The following SORL1 variants were observed in gnomAD, a reference collection of about 807,000 sequenced individuals.
The protein encoded by SORL1 is sortilin related receptor 1.
Under a neutral mutation model 273.7 loss-of-function variants are expected in SORL1, and 127 were observed. The observed-to-expected ratio is 0.46, with a 90% CI of 0.40 to 0.54. SORL1 has a LOEUF of 0.54. Ranked by LOEUF, SORL1 falls within the 20% of genes least tolerant of loss-of-function variation. SORL1 has a pLI of 0.00. For synonymous variants in SORL1, 1,031 were observed against 1,067.4 expected, an observed-to-expected ratio of 0.97 and a Z score of 0.66; for missense variants, 2,494 against 2,846.1, an observed-to-expected ratio of 0.88 and a Z score of 2.81.
At chr11:121,486,413 C>T (rs1861472541) in intron 3 of SORL1, among the ~76,000 whole-genome samples, 1 of 152,000 alleles carries the variant, frequency 6.6e-6, no homozygotes, top group Admixed American at 6.6e-5. Context: ...CCGAGGCAGC[C>T]TGATGGCTTG....
chr11:121,625,925 G>A (rs1007158980), intron 46 of SORL1, among the ~76,000 whole-genome samples: 11 of 152,146 alleles, frequency 7.2e-5, no homozygotes, highest in Non-Finnish European at 1.5e-4. Context: ...GAACTAACCA[G>A]TGCTCAAGCC....
chr11:121,548,125 C>A lies in SORL1; in HGVS notation c.2052-1835C>A, dbSNP rs534536746. On this transcript the variant is annotated intron_variant, in intron 14 of 47. Coordinates refer to ENST00000260197, the MANE Select transcript of SORL1 (RefSeq NM_003105.6). ...GTACTTACATATGTACGTGTAGATA[C>A]ATACACACATATAATTAAAACACAA... Among the ~76,000 whole-genome samples, 3 of 152,222 alleles carry A rather than the reference C, an allele frequency of 2.0e-5. No homozygotes were observed. The East Asian group carries it at 5.8e-4, about 29-fold the overall frequency.
At chr11:121,492,879 C>T (rs769907854) in intron 5 of SORL1, among the ~76,000 whole-genome samples, 1 of 150,724 alleles carries the variant, frequency 6.6e-6, no homozygotes, top group African/African-American at 2.4e-5. Context: ...TCTTGGCTCA[C>T]TGCAACCTCC....
chr11:121,589,965 A>C, intron 29 of SORL1, 75 bp from the exon 30 acceptor site: 2 of 1,551,024 alleles, frequency 1.3e-6, no homozygotes, highest in Non-Finnish European at 1.8e-6. Flanking sequence ...GGTCTGGAGG[A>C]GGATGCCTAG....
rs1863862231 is a variant in SORL1, at chr11:121,630,632, T to G, written c.*1069T>G. ...AATTGGACAGTGCCTTCTCTTTTTT[T>G]TTCTCCTCTTCTTCCATCTCCCTCA... On this transcript the variant is annotated 3_prime_UTR_variant, in exon 48 of 48. Transcript: ENST00000260197. The G allele has an allele frequency of 6.6e-6, 1 of 152,340 alleles. No individual in the cohort carries two copies. Among genetic ancestry groups the G allele is most frequent in the East Asian group, 1.9e-4 (1 of 5,192 alleles). The allele number at this position is 152,340 out of a possible 1,614,324, so 9.4% of individuals were successfully genotyped here.
At chr11:121,532,580 C>T (rs1351519331) in intron 12 of SORL1, 28 bp downstream of exon 12, 2 of 1,578,866 alleles carry the variant, frequency 1.3e-6, no homozygotes, top group Non-Finnish European at 1.7e-6. Context: ...GGCCTTTTAA[C>T]ATCAAACTTT....
chr11:121,556,223 C>A (rs1862579926), intron 18 of SORL1, among the ~76,000 whole-genome samples: 1 of 152,194 alleles, frequency 6.6e-6, no homozygotes, highest in South Asian at 2.1e-4. Flanking sequence ...CACACACGTT[C>A]TTGTTCCAGT....
chr11:121,553,648 A>G (rs1862536692), intron 16 of SORL1, among the ~76,000 whole-genome samples: 1 of 152,256 alleles, frequency 6.6e-6, no homozygotes, highest in Non-Finnish European at 1.5e-5. Context: ...GCCCAGAAGT[A>G]TGGTTGTTGA....
chr11:121,586,385 A>G, intron 27 of SORL1, 56 bp downstream of exon 27: 7 of 1,287,280 alleles, frequency 5.4e-6, no homozygotes, highest in Non-Finnish European at 7.9e-6. Context: ...ATGAGTGAAG[A>G]GCGTATATTG....
chr11:121,543,846 G>A (rs1862384059), intron 13 of SORL1, 120 bp downstream of exon 13: 1 of 856,546 alleles, frequency 1.2e-6, no homozygotes, highest in Non-Finnish European at 1.8e-6. Flanking sequence ...GGGGAGATGG[G>A]CCCATAAGAG....
intron 11 of SORL1, among the ~76,000 whole-genome samples, chr11:121,526,746 T>C (rs1025449738): frequency 6.6e-6 from 1 of 152,150 alleles, no homozygotes; most frequent in South Asian, 2.1e-4. Context: ...ATTTTTGCTC[T>C]AGTATATAAA....
chr11:121,627,874 G>T lies in SORL1; in HGVS notation c.6577+107G>T, dbSNP rs1039990345. The T allele has an allele frequency of 4.2e-6, 3 of 722,348 alleles. No homozygotes were observed. The highest frequency in any genetic ancestry group is 3.5e-5 in the African/African-American group (2 of 56,482). 44.7% of individuals were successfully genotyped at this position (722,348 alleles called of 1,614,324 possible). On this transcript the variant is annotated intron_variant, in intron 47 of 47. Transcript: ENST00000260197. The surrounding 1 kb of genome is among the most constrained non-coding windows in gnomAD (Gnocchi z 4.9). The stretch of plus-strand genomic sequence containing the variant: ...TTCAGCTCCTCTTTTGACCCTGGAG[G>T]AGCTCTTCATCAGCCAGCGATTTGA...
intron 45 of SORL1, 148 bp from the exon 46 acceptor site, chr11:121,624,937 G>C: frequency 1.9e-6 from 1 of 539,044 alleles, no homozygotes; most frequent in Non-Finnish European, 3.3e-6. Flanking sequence ...TATCTCAGTG[G>C]TAATGTAAAA....
chr11:121,627,903 C>T lies in SORL1; in HGVS notation c.6577+136C>T, dbSNP rs1443015014. The T allele has an allele frequency of 7.9e-6, 5 of 630,742 alleles. No homozygotes were observed. The highest frequency in any genetic ancestry group is 1.4e-5 in the Non-Finnish European group (5 of 363,796). The allele number at this position is 630,742 out of a possible 1,614,324, so 39.1% of individuals were successfully genotyped here. On this transcript the variant is annotated intron_variant, in intron 47 of 47. Transcript: ENST00000260197. This position sits in a 1 kb window ranked among gnomAD's most constrained non-coding sequence, Gnocchi z 4.9. ...TCTTCATCAGCCAGCGATTTGATTC[C>T]ATGAGTTTTGGTTAAACCATTCAGA...
In SORL1 at chr11:121,520,841, A is replaced by G. The variant is rs755894739; in HGVS notation, c.1396A>G (p.Asn466Asp). The G allele has an allele frequency of 3.8e-6, 6 of 1,593,186 alleles. No homozygotes were observed. Among genetic ancestry groups the G allele is most frequent in the South Asian group, 2.3e-5 (2 of 86,884 alleles). ...CTTCACGGGATATGGAGAGAAAATCAATTGTGAGGTATTGATGCTTTAATC... is the reference window on the plus strand; with the variant it reads ...CTTCACGGGATATGGAGAGAAAATCGATTGTGAGGTATTGATGCTTTAATC... The part of the protein sequence containing the change: ...PAFTGYGEKI[N>D]CELSQGCSLH... The change falls in exon 9 of 48, where the codon AAT becomes GAT. Residue 466 changes from asparagine (N) to aspartate (D), a missense_variant. Physicochemically the swap from Asn to Asp is conservative, Grantham distance 23 (BLOSUM62 1). This residue lies in a region of SORL1 where 710 missense variants were observed against 882.5 expected (regional missense o/e 0.80). Transcript: ENST00000260197.
Position 121,550,249 on chromosome 11 carries a change from A to G in SORL1, c.2180+161A>G, listed in dbSNP as rs1439642333. On this transcript the variant is annotated intron_variant, in intron 15 of 47. Transcript: ENST00000260197. The surrounding 1 kb of genome is among the most constrained non-coding windows in gnomAD (Gnocchi z 5.3). ...AACATTATAAATTATGGTATTTGTA[A>G]ACTCTCCTACCTCCACATTGCAAGT... Among the ~76,000 whole-genome samples, 1 of 152,168 alleles carries G rather than the reference A, an allele frequency of 6.6e-6. No homozygotes were observed. Among genetic ancestry groups the G allele is most frequent in the African/African-American group, 2.4e-5 (1 of 41,424 alleles).
At chr11:121,512,391 G>A (rs1861893128) in intron 6 of SORL1, among the ~76,000 whole-genome samples, 1 of 152,156 alleles carries the variant, frequency 6.6e-6, no homozygotes, top group Non-Finnish European at 1.5e-5. Flanking sequence ...AAAATGCAAT[G>A]TGATGTGGTC....
Position 121,520,595 on chromosome 11 carries a change from G to A in SORL1, c.1212-62G>A, listed in dbSNP as rs1047178844. 1.0e-5 allele frequency: 12 copies of A among 1,196,708 alleles called. 1 individual carries two copies. In the South Asian group the frequency reaches 2.0e-4, roughly 20 times the overall value. 74.1% of individuals were successfully genotyped at this position (1,196,708 alleles called of 1,614,324 possible). On this transcript the variant is annotated intron_variant, in intron 8 of 47. Transcript: ENST00000260197. ...ATACTTTTAAATGGTCAAATTTTATGTTATTTACAATAACAAGCAAATACC... is the reference window on the plus strand; with the variant it reads ...ATACTTTTAAATGGTCAAATTTTATATTATTTACAATAACAAGCAAATACC...
chr11:121,572,949 A>C (rs1862867234), intron 23 of SORL1, among the ~76,000 whole-genome samples: 1 of 152,132 alleles, frequency 6.6e-6, no homozygotes, highest in Non-Finnish European at 1.5e-5. Flanking sequence ...CGTGCACGAC[A>C]ACCCCTCCCC....
Sources: allele counts gnomAD v4.1 joint callset (sites outside exome capture counted in the v4.1 genomes callset), GRCh38; gene constraint gnomAD v4.1.1; regional missense constraint gnomAD v4.1.1; non-coding constraint Gnocchi (gnomAD v3.1); transcripts MANE v1.5; gene names NCBI Gene and HGNC (gene_info 2026-07-23, HGNC 2026-07-21).